Variants in TAFA4 observed in about 807,000 individuals in gnomAD.
TAFA4 encodes the protein TAFA chemokine like family member 4, also known as chemokine-like protein TAFA-4.
Under a neutral mutation model 21.1 loss-of-function variants are expected in TAFA4, and 20 were observed. The observed-to-expected ratio is 0.95, with a 90% CI of 0.67 to 1.38. The LOEUF (loss-of-function observed/expected upper bound fraction) is 1.38, where lower values mean the gene tolerates loss of function less well. Ranked by LOEUF, TAFA4 falls within the 40% of genes most tolerant of loss-of-function variation. TAFA4 has a pLI of 0.00. For missense variants in TAFA4, 211 were observed against 180.9 expected, an observed-to-expected ratio of 1.17 and a Z score of -0.95; for synonymous variants, 71 against 67.4, an observed-to-expected ratio of 1.05 and a Z score of -0.26.
intron 3 of TAFA4, among the ~76,000 whole-genome samples, chr3:68,879,498 A>C (rs993271805): frequency 6.6e-6 from 1 of 152,184 alleles, no homozygotes; most frequent in Non-Finnish European, 1.5e-5. Flanking sequence ...AAGAAAAGAG[A>C]TAAGATTGAG....
intron 1 of TAFA4, among the ~76,000 whole-genome samples, chr3:68,909,833 G>A (rs539013218): frequency 2.0e-4 from 31 of 152,286 alleles, no homozygotes; most frequent in African/African-American, 4.6e-4. Context: ...GGAAGCCTGC[G>A]TGTGGCTTAT....
chr3:68,898,249 G>A (rs1188407003), intron 1 of TAFA4, among the ~76,000 whole-genome samples: 3 of 152,142 alleles, frequency 2.0e-5, no homozygotes, highest in Admixed American at 1.3e-4. Flanking sequence ...CCAAGAATCC[G>A]GAAAAGTTTT....
In TAFA4 at chr3:68,812,221, T is replaced by G. The variant is rs570324663; in HGVS notation, c.131-59203A>C. The stretch of plus-strand genomic sequence containing the variant: ...ACAGGTACCAGCTACTGCAAAAACA[T>G]GCCAACTTGTAAAGACCATTGAGGC... On this transcript the variant is annotated intron_variant, in intron 3 of 5. Coordinates refer to ENST00000295569, the MANE Select transcript of TAFA4 (RefSeq NM_182522.5). Among the ~76,000 whole-genome samples, 264 of 152,290 alleles carry G rather than the reference T, an allele frequency of 1.7e-3. 4 individuals are homozygous for G. Among genetic ancestry groups the G allele is most frequent in the African/African-American group, 6.2e-3 (258 of 41,572 alleles).
At chr3:68,886,065 A>T (rs765901924) in intron 1 of TAFA4, among the ~76,000 whole-genome samples, 9 of 152,240 alleles carry the variant, frequency 5.9e-5, no homozygotes, top group Admixed American at 1.3e-4. Flanking sequence ...TCAGAGAAAA[A>T]TTATGATATG....
intron 3 of TAFA4, among the ~76,000 whole-genome samples, chr3:68,789,480 C>T (rs1367684202): frequency 2.6e-5 from 4 of 152,092 alleles, no homozygotes; most frequent in Admixed American, 6.6e-5. Flanking sequence ...AGCTCAACTG[C>T]GGTAATCATT....
chr3:68,927,893 C>CA (rs1209770129), intron 1 of TAFA4, among the ~76,000 whole-genome samples: 1,982 of 123,452 alleles, frequency 0.016, 35 homozygotes, highest in African/African-American at 0.051. Context: ...GACACCATCT[C>CA]AAAAAAAAAA....
chr3:68,895,020 A>AT (rs1028149287), intron 1 of TAFA4, among the ~76,000 whole-genome samples: 25 of 148,644 alleles, frequency 1.7e-4, no homozygotes, highest in South Asian at 2.2e-4. Context: ...TGCTGGGCTA[A>AT]TTTTTTTTTT....
chr3:68,908,432 G>T (rs1337379820), intron 1 of TAFA4, among the ~76,000 whole-genome samples: 1 of 151,862 alleles, frequency 6.6e-6, no homozygotes, highest in African/African-American at 2.4e-5. Context: ...CAACAACTCA[G>T]ATGGCGATAT....
chr3:68,826,849 G>C (rs1704250684), intron 3 of TAFA4, among the ~76,000 whole-genome samples: 2 of 151,994 alleles, frequency 1.3e-5, no homozygotes, highest in South Asian at 4.1e-4. Context: ...TCAGATATGA[G>C]AAGAAATAAC....
rs148372977 is a variant in TAFA4 at position 68,743,017 on chromosome 3, T to C, written c.287-3818A>G. Among the ~76,000 whole-genome samples the C allele has an allele frequency of 1.6e-4, 24 of 152,274 alleles. No homozygotes were observed. The East Asian group carries it at 4.3e-3, about 27-fold the overall frequency. On this transcript the variant is annotated intron_variant, in intron 4 of 5. Coordinates refer to ENST00000295569, the MANE Select transcript of TAFA4 (RefSeq NM_182522.5). ...AGCACGGGACAATTTCATTATCCACTGAAGGGGCCAGACATTGTAGAATCT... is the reference window on the plus strand; with the variant it reads ...AGCACGGGACAATTTCATTATCCACCGAAGGGGCCAGACATTGTAGAATCT...
At chr3:68,820,658 C>G (rs930887350) in intron 3 of TAFA4, among the ~76,000 whole-genome samples, 4 of 152,006 alleles carry the variant, frequency 2.6e-5, no homozygotes, top group African/African-American at 9.7e-5. Context: ...AGAACAAGAC[C>G]CTGTTTCAAA....
intron 1 of TAFA4, among the ~76,000 whole-genome samples, chr3:68,924,397 T>C (rs925875794): frequency 3.3e-5 from 5 of 152,130 alleles, no homozygotes; most frequent in African/African-American, 1.2e-4. Context: ...AATAATGTTA[T>C]GTCTCCATTT....
At chr3:68,863,517 C>T (rs2089377799) in intron 3 of TAFA4, among the ~76,000 whole-genome samples, 2 of 152,052 alleles carry the variant, frequency 1.3e-5, no homozygotes, top group Non-Finnish European at 1.5e-5. Flanking sequence ...CTGCCCCATC[C>T]CTAATAGTCC....
chr3:68,763,858 G>A (rs1346299224), intron 3 of TAFA4, among the ~76,000 whole-genome samples: 1 of 84,940 alleles, frequency 1.2e-5, no homozygotes, highest in Admixed American at 1.1e-4. Context: ...TCTTTAGTAT[G>A]TATGACAGAC....
At chr3:68,816,946 T>G (rs1703993264) in intron 3 of TAFA4, among the ~76,000 whole-genome samples, 1 of 152,170 alleles carries the variant, frequency 6.6e-6, no homozygotes, top group Non-Finnish European at 1.5e-5. Context: ...GCCTTGATAT[T>G]GGTGGCTGCT....
intron 1 of TAFA4, among the ~76,000 whole-genome samples, chr3:68,917,432 C>T (rs9883583): frequency 2.9e-4 from 44 of 152,060 alleles, no homozygotes; most frequent in Non-Finnish European, 3.5e-4. Flanking sequence ...GACCTCCCCC[C>T]CTGTGTGTCA....
At chr3:68,920,573 A>G (rs1427489441) in intron 1 of TAFA4, among the ~76,000 whole-genome samples, 4 of 151,914 alleles carry the variant, frequency 2.6e-5, no homozygotes, top group African/African-American at 4.8e-5. Flanking sequence ...TCTTCATAGT[A>G]TCTGAGAAGG....
At chr3:68,813,005 C>A (rs1412608219) in intron 3 of TAFA4, among the ~76,000 whole-genome samples, 1 of 152,122 alleles carries the variant, frequency 6.6e-6, no homozygotes, top group African/African-American at 2.4e-5. Context: ...CAAACTAGAA[C>A]TCAGGATTAA....
chr3:68,829,386 T>A (rs1217112956), intron 3 of TAFA4, among the ~76,000 whole-genome samples: 2 of 152,152 alleles, frequency 1.3e-5, no homozygotes, highest in Non-Finnish European at 2.9e-5. Context: ...TTATTGACAG[T>A]TTTTAGCATG....
Sources: allele counts gnomAD v4.1 joint callset (sites outside exome capture counted in the v4.1 genomes callset), GRCh38; gene constraint gnomAD v4.1.1; transcripts MANE v1.5; gene names NCBI Gene and HGNC (gene_info 2026-07-23, HGNC 2026-07-21).